ACSL4: variants seen among roughly 807,000 people sequenced by gnomAD.
The protein encoded by ACSL4 is long-chain-fatty-acid--CoA ligase 4.
Under a neutral mutation model 49.1 loss-of-function variants are expected in ACSL4, and 9 were observed. The observed-to-expected ratio is 0.18, with a 90% CI of 0.11 to 0.32. ACSL4 has a LOEUF of 0.32. Ranked by LOEUF, ACSL4 falls within the 10% of genes least tolerant of loss-of-function variation. ACSL4 has a pLI of 1.00. For synonymous variants in ACSL4, 191 were observed against 170.3 expected, an observed-to-expected ratio of 1.12 and a Z score of -0.95; for missense variants, 333 against 493.7, an observed-to-expected ratio of 0.67 and a Z score of 3.08.
rs765655142 is a variant in ACSL4 at position 109,722,030 on chromosome X, T to C, written c.-66+11109A>G. On this transcript the variant is annotated intron_variant, in intron 1 of 15. Coordinates refer to ENST00000672401, the MANE Select transcript of ACSL4 (RefSeq NM_001318510.2). ...AGGGACACTGTTTCAATCATCATAA[T>C]AAAAACCTGAGTATAGCTATGTTGG... Among the ~76,000 whole-genome samples the C allele has an allele frequency of 1.2e-4, 14 of 112,015 alleles. 3 individuals are homozygous for C. In the South Asian group the frequency reaches 1.5e-3, roughly 12 times the overall value.
Position 109,665,540 on chromosome X carries a change from A to G in ACSL4, c.1316-46T>C, listed in dbSNP as rs369861977. The G allele has an allele frequency of 1.9e-4, 190 of 1,008,562 alleles. 1 individual carries two copies. The South Asian group carries it at 3.3e-3, about 18-fold the overall frequency. 83.1% of individuals were successfully genotyped at this position (1,008,562 alleles called of 1,213,427 possible). On this transcript the variant is annotated intron_variant, in intron 11 of 15. Coordinates refer to ENST00000672401, the MANE Select transcript of ACSL4 (RefSeq NM_001318510.2). ...GAGATATTAGCATACCACATTCCAG[A>G]TTTGTACCAATGCACTGGGAATATT...
intron 1 of ACSL4, among the ~76,000 whole-genome samples, chrX:109,701,598 T>C (rs754539208): frequency 2.1e-5 from 2 of 96,420 alleles, no homozygotes; most frequent in East Asian, 6.5e-4. Flanking sequence ...CAGGCTGGAG[T>C]GCAGTGGCAT....
intron 1 of ACSL4, among the ~76,000 whole-genome samples, chrX:109,726,395 C>T (rs1266502605): frequency 8.9e-6 from 1 of 112,216 alleles, no homozygotes; most frequent in Non-Finnish European, 1.9e-5. Context: ...TGCACTCCAG[C>T]CTGGGCAACA....
At chrX:109,719,163 G>A (rs757691549) in intron 1 of ACSL4, among the ~76,000 whole-genome samples, 12 of 112,257 alleles carry the variant, frequency 1.1e-4, no homozygotes, top group Non-Finnish European at 2.1e-4. Flanking sequence ...TCTGTAAAAC[G>A]TGTTAGGAAC....
intron 1 of ACSL4, among the ~76,000 whole-genome samples, chrX:109,701,139 C>T (rs970336032): frequency 2.7e-5 from 3 of 112,021 alleles, no homozygotes; most frequent in Admixed American, 1.9e-4. Context: ...TTTTATCCAA[C>T]CACCTAGAAA....
intron 2 of ACSL4, among the ~76,000 whole-genome samples, chrX:109,690,579 A>C (rs1213089129): frequency 1.8e-5 from 2 of 111,661 alleles, no homozygotes; most frequent in African/African-American, 6.5e-5. Flanking sequence ...AAGATAGCAC[A>C]GCTGAGTAGA....
intron 1 of ACSL4, among the ~76,000 whole-genome samples, chrX:109,725,098 A>G (rs1383667391): frequency 9.3e-6 from 1 of 107,900 alleles, no homozygotes; most frequent in African/African-American, 3.4e-5. Flanking sequence ...TTTTTTATTT[A>G]AAGACAGGAT....
At position 109,660,045 on chromosome X, in the gene ACSL4, T is replaced by C. The variant is rs143414482; in HGVS notation, c.1698-534A>G. 5.4e-3 allele frequency among the ~76,000 whole-genome samples: 587 copies of C among 108,028 alleles called. 6 individuals carry two copies. Among genetic ancestry groups the C allele is most frequent in the African/African-American group, 0.017 (504 of 29,861 alleles). The allele number at this position is 108,028 out of a possible 115,157, so 93.8% of individuals were successfully genotyped here. A position where few individuals can be genotyped will look rare whatever the true frequency, so the allele number is the denominator to read the frequency against. On this transcript the variant is annotated intron_variant, in intron 14 of 15. Coordinates refer to ENST00000672401, the MANE Select transcript of ACSL4 (RefSeq NM_001318510.2). ...AATAGATTTGGCAATATTTCTTGGG[T>C]GTGACACCAAAAGCAAAGGCAACAA...
At chrX:109,663,496 G>C in intron 12 of ACSL4, 94 bp from the exon 13 acceptor site, 1 of 773,937 alleles carries the variant, frequency 1.3e-6, no homozygotes, top group Non-Finnish European at 2.0e-6. Context: ...CTGCTGATCA[G>C]ATTTTATATC....
At chrX:109,696,598 C>T (rs764300151) in intron 1 of ACSL4, among the ~76,000 whole-genome samples, 3 of 112,650 alleles carry the variant, frequency 2.7e-5, no homozygotes, top group South Asian at 7.3e-4. Flanking sequence ...CATCTATCCT[C>T]CCATCAAAAC....
chrX:109,683,497 C>T (rs1569429426), intron 2 of ACSL4, 122 bp from the exon 3 acceptor site: 1 of 1,173,645 alleles, frequency 8.5e-7, no homozygotes, highest in East Asian at 3.0e-5. Context: ...AGTGGAAAGG[C>T]TTCTAAAATG....
chrX:109,661,054 T>C (rs933298959), intron 14 of ACSL4, among the ~76,000 whole-genome samples: 7 of 111,532 alleles, frequency 6.3e-5, no homozygotes, highest in Non-Finnish European at 1.3e-4. Context: ...CATTTAGAAA[T>C]GGTTAAGATG....
chrX:109,725,490 C>A (rs1368202792), intron 1 of ACSL4, among the ~76,000 whole-genome samples: 1 of 111,390 alleles, frequency 9.0e-6, no homozygotes, highest in South Asian at 3.7e-4. Context: ...ATGGCTGGTG[C>A]GGTGGCTCAC....
intron 2 of ACSL4, among the ~76,000 whole-genome samples, chrX:109,685,149 G>A (rs1425734225): frequency 1.0e-5 from 1 of 98,139 alleles, no homozygotes; most frequent in African/African-American, 3.8e-5. Context: ...CCAGAGTGCA[G>A]TGGCATGATC....
chrX:109,703,056 A>G (rs779189831), intron 1 of ACSL4, among the ~76,000 whole-genome samples: 5 of 112,167 alleles, frequency 4.5e-5, no homozygotes, highest in African/African-American at 9.7e-5. Flanking sequence ...TGGACATTAC[A>G]TTGTCTCAAA....
Position 109,644,677 on chromosome X carries a change from C to A in ACSL4, c.1856-491G>T, listed in dbSNP as rs186723992. On this transcript the variant is annotated intron_variant, in intron 15 of 15. Coordinates refer to ENST00000672401, the MANE Select transcript of ACSL4 (RefSeq NM_001318510.2). ...CATAACAAAAGAGAAGGGGGAGGAGCCAAGATGGCCAAATACGAACAGCTC... is the reference window on the plus strand; with the variant it reads ...CATAACAAAAGAGAAGGGGGAGGAGACAAGATGGCCAAATACGAACAGCTC... 6.3e-3 allele frequency among the ~76,000 whole-genome samples: 704 copies of A among 112,231 alleles called. 9 individuals carry two copies. The highest frequency in any genetic ancestry group is 0.022 in the African/African-American group (680 of 30,908).
At chrX:109,705,179 G>A (rs1926259345) in intron 1 of ACSL4, among the ~76,000 whole-genome samples, 1 of 111,988 alleles carries the variant, frequency 8.9e-6, no homozygotes, top group African/African-American at 3.2e-5. Context: ...GTTTTCAAAG[G>A]CAACTTTTTA....
chrX:109,689,043 T>C (rs1924833456), intron 2 of ACSL4, among the ~76,000 whole-genome samples: 1 of 111,238 alleles, frequency 9.0e-6, no homozygotes, highest in African/African-American at 3.3e-5. Context: ...ACTTAGCATG[T>C]TCAAAACTGA....
At chrX:109,730,388 A>G (rs773343601) in intron 1 of ACSL4, among the ~76,000 whole-genome samples, 27 of 112,418 alleles carry the variant, frequency 2.4e-4, no homozygotes, top group African/African-American at 8.7e-4. Context: ...AATGTCAAAG[A>G]GTCTACAGGC....
Sources: gnomAD v4.1 joint callset for allele counts (sites outside exome capture counted in the v4.1 genomes callset) on GRCh38, gnomAD v4.1.1 for gene constraint, MANE v1.5 for transcripts, NCBI Gene and HGNC (gene_info 2026-07-23, HGNC 2026-07-21) for gene names.